Variants in ITPK1 observed in about 807,000 individuals in gnomAD.
ITPK1 encodes the protein inositol-tetrakisphosphate 1-kinase, also known as inositol 1,3,4-trisphosphate 5/6-kinase.
ITPK1 carries 21 observed loss-of-function variants against 45.3 expected under a neutral mutation model. That is an observed-to-expected ratio of 0.46 (90% confidence interval 0.33 to 0.67). The LOEUF (loss-of-function observed/expected upper bound fraction) is 0.67. Ranked by LOEUF, ITPK1 falls within the 30% of genes least tolerant of loss-of-function variation. The pLI is 0.02. For synonymous variants in ITPK1, 258 were observed against 253.6 expected (o/e 1.02, Z -0.16); for missense variants, 474 against 573.5 (o/e 0.83, Z 1.77).
chr14:92,951,787 G>A (rs1887963782), intron 9 of ITPK1, among the ~76,000 whole-genome samples, 159 bp downstream of exon 9: 1 of 152,026 alleles, frequency 6.6e-6, no homozygotes, highest in South Asian at 2.1e-4. Flanking sequence ...GAGGAACAGG[G>A]GGCTCTGGAA....
intron 5 of ITPK1, among the ~76,000 whole-genome samples, chr14:92,991,105 G>A (rs892125993): frequency 6.6e-6 from 1 of 152,194 alleles, no homozygotes; most frequent in African/African-American, 2.4e-5. Context: ...GGATTGCTGT[G>A]ATTATCTGAG....
In ITPK1 at chr14:93,014,568, G is replaced by T. The variant is rs1888079367; in HGVS notation, c.246+2108C>A. On this transcript the variant is annotated intron_variant, in intron 4 of 10. Coordinates refer to ENST00000267615, the MANE Select transcript of ITPK1 (RefSeq NM_014216.6). The surrounding 1 kb of genome is among the most constrained non-coding windows in gnomAD (Gnocchi z 4.4). ...CTGCCCACCCAAGGAGGAAGGAACT[G>T]AGGCTGTGGGGAGGCACGCGGTTCC... is the stretch of plus-strand genomic sequence containing the variant. 6.6e-6 allele frequency among the ~76,000 whole-genome samples: 1 copy of T among 152,240 alleles called. No homozygotes were observed. Among genetic ancestry groups the T allele is most frequent in the South Asian group, 2.1e-4 (1 of 4,834 alleles).
intron 2 of ITPK1, among the ~76,000 whole-genome samples, chr14:93,108,750 C>T (rs1218560628): frequency 3.3e-5 from 5 of 152,234 alleles, no homozygotes; most frequent in African/African-American, 1.2e-4. Context: ...TAGTGGCTCA[C>T]ACCTGTAATC....
chr14:93,006,715 C>T (rs528150211), intron 4 of ITPK1, among the ~76,000 whole-genome samples: 1 of 152,194 alleles, frequency 6.6e-6, no homozygotes, highest in Non-Finnish European at 1.5e-5. Context: ...CAAGAGCCAG[C>T]AGGAAGACCC....
chr14:92,951,749 C>A (rs1887962575), intron 9 of ITPK1, among the ~76,000 whole-genome samples, 197 bp downstream of exon 9: 1 of 152,106 alleles, frequency 6.6e-6, no homozygotes. Context: ...GCTGCAATGG[C>A]TGCTAGCATG....
intron 2 of ITPK1, among the ~76,000 whole-genome samples, chr14:93,111,809 A>G (rs1892766815): frequency 6.6e-6 from 1 of 151,996 alleles, no homozygotes; most frequent in Non-Finnish European, 1.5e-5. Flanking sequence ...ACAAGAGAAC[A>G]CAACCAGAGC....
chr14:93,060,471 AC>A (rs1890471136), intron 3 of ITPK1, among the ~76,000 whole-genome samples: 1 of 152,118 alleles, frequency 6.6e-6, no homozygotes, highest in African/African-American at 2.4e-5. Flanking sequence ...ATGCACCCTG[AC>A]CAGGAGAGAG....
At chr14:93,007,252 G>A (rs561751752) in intron 4 of ITPK1, among the ~76,000 whole-genome samples, 1 of 152,166 alleles carries the variant, frequency 6.6e-6, no homozygotes, top group Non-Finnish European at 1.5e-5. Context: ...GCTCAGGTGG[G>A]CCTATGCAGC....
rs199744063 is a variant in ITPK1, at chr14:92,941,777, G to A, written c.1029C>T (p.Ala343=). ...CGCCCACCAGGCCGCCCGCCGGCTC[G>A]GCCAGAAGCTTGCTGTGCCTCAGCA... ...VALLRHSKLL[A]EPAGGLVGER... is the part of the protein sequence containing the mutation. The change falls in exon 11 of 11, where the codon GCC becomes GCT. Residue 343 remains alanine, a synonymous_variant. Transcript: ENST00000267615. The A allele has an allele frequency of 7.3e-5, 117 of 1,608,572 alleles. No homozygotes were observed. Among genetic ancestry groups the A allele is most frequent in the East Asian group, 3.6e-4 (16 of 44,736 alleles).
At chr14:93,054,038 G>A (rs761970200) in intron 3 of ITPK1, among the ~76,000 whole-genome samples, 3 of 152,210 alleles carry the variant, frequency 2.0e-5, no homozygotes, top group Admixed American at 1.3e-4. Context: ...GCACTTCCTG[G>A]CAGCCCACCC....
intron 3 of ITPK1, among the ~76,000 whole-genome samples, chr14:93,074,603 C>T (rs116155175): frequency 0.01 from 1,582 of 152,260 alleles, 25 homozygotes; most frequent in African/African-American, 0.036. Flanking sequence ...CACAGCAGTT[C>T]CCCCATGGAC....
intron 5 of ITPK1, among the ~76,000 whole-genome samples, chr14:92,977,841 T>C (rs1808087873): frequency 6.6e-6 from 1 of 151,910 alleles, no homozygotes; most frequent in Admixed American, 6.6e-5. Flanking sequence ...TAGTTCTTTA[T>C]AGCAATGTTA....
chr14:92,938,179 C>G lies in ITPK1; in HGVS notation c.*3382G>C. ...TTCACCATGTTGGCCAGGATGGTGT[C>G]GATCTCTTGACCTTGTGATCCACCT... On this transcript the variant is annotated 3_prime_UTR_variant, in exon 11 of 11. Coordinates refer to ENST00000267615, the MANE Select transcript of ITPK1 (RefSeq NM_014216.6). 4.4e-6 allele frequency: 2 copies of G among 456,012 alleles called. No individual in the cohort carries two copies. Among genetic ancestry groups the G allele is most frequent in the African/African-American group, 2.0e-5 (1 of 50,246 alleles). 28.2% of individuals were successfully genotyped at this position (456,012 alleles called of 1,614,324 possible). A position where few individuals can be genotyped will look rare whatever the true frequency, so the allele number is the denominator to read the frequency against.
At chr14:93,091,280 T>G (rs1891856499) in intron 2 of ITPK1, among the ~76,000 whole-genome samples, 1 of 152,220 alleles carries the variant, frequency 6.6e-6, no homozygotes, top group African/African-American at 2.4e-5. Flanking sequence ...TACAGAATAC[T>G]CAGGCCCCTG....
rs952162481 is a variant in ITPK1, at chr14:93,102,235, C to T, written c.95+12834G>A. 7.6e-4 allele frequency among the ~76,000 whole-genome samples: 115 copies of T among 152,234 alleles called. 1 individual carries two copies. The highest frequency in any genetic ancestry group is 2.0e-3 in the African/African-American group (84 of 41,456). On this transcript the variant is annotated intron_variant, in intron 2 of 10. Transcript: ENST00000267615. ...ACAGCTACAGGCTTCCCCAGAGCAG[C>T]GAGAGGATGGGGCACCCAAATCTCC...
chr14:93,039,549 C>A (rs1235770485), intron 3 of ITPK1, among the ~76,000 whole-genome samples: 1 of 152,188 alleles, frequency 6.6e-6, no homozygotes, highest in Admixed American at 6.5e-5. Context: ...TCTTTACCAG[C>A]CCAAGGTGCT....
intron 3 of ITPK1, among the ~76,000 whole-genome samples, chr14:93,065,191 G>T (rs1173360542): frequency 1.3e-5 from 2 of 152,310 alleles, no homozygotes; most frequent in East Asian, 1.9e-4. Flanking sequence ...CTCATCCCTG[G>T]TCAGCCCTGC....
Position 93,115,853 on chromosome 14 carries a change from A to G in ITPK1, c.-224T>C, listed in dbSNP as rs1208886390. Reference sequence around the variant, plus strand: ...GAAGGGCGGCGGCGAGCGCCCGCGCACTCGCCGCCCCTGCCCGCCGCCGCC... The same window carrying G: ...GAAGGGCGGCGGCGAGCGCCCGCGCGCTCGCCGCCCCTGCCCGCCGCCGCC... On this transcript the variant is annotated 5_prime_UTR_variant, in exon 1 of 11. Transcript: ENST00000267615. 7.2e-6 allele frequency: 1 copy of G among 138,012 alleles called. No homozygotes were observed. Among genetic ancestry groups the G allele is most frequent in the East Asian group, 2.2e-4 (1 of 4,488 alleles). 8.5% of individuals were successfully genotyped at this position (138,012 alleles called of 1,614,324 possible). A position where few individuals can be genotyped will look rare whatever the true frequency, so the allele number is the denominator to read the frequency against.
intron 2 of ITPK1, among the ~76,000 whole-genome samples, chr14:93,109,969 G>A (rs1301124335): frequency 1.3e-5 from 2 of 152,176 alleles, no homozygotes; most frequent in Admixed American, 6.5e-5. Context: ...AGCGGCCGCC[G>A]CCACTGACAG....
Sources: gnomAD v4.1 joint callset for allele counts (sites outside exome capture counted in the v4.1 genomes callset) on GRCh38, gnomAD v4.1.1 for gene constraint, Gnocchi (gnomAD v3.1) non-coding constraint, MANE v1.5 for transcripts, NCBI Gene and HGNC (gene_info 2026-07-23, HGNC 2026-07-21) for gene names.